Variants in NR1I2 observed in about 807,000 individuals in gnomAD.
NR1I2 encodes the protein nuclear receptor subfamily 1 group I member 2.
NR1I2 carries 42 observed loss-of-function variants against 43.3 expected under a neutral mutation model. That is an observed-to-expected ratio of 0.97 (90% CI 0.76 to 1.26). NR1I2 has a LOEUF of 1.26. Ranked by LOEUF, NR1I2 falls within the 50% of genes most tolerant of loss-of-function variation. The pLI is 0.00. For missense variants in NR1I2, 559 were observed against 566.7 expected, an observed-to-expected ratio of 0.99 and a Z score of 0.14; for synonymous variants, 229 against 215.0, an observed-to-expected ratio of 1.06 and a Z score of -0.57.
At chr3:119,787,027 C>T (rs1301452715) in intron 1 of NR1I2, among the ~76,000 whole-genome samples, 1 of 152,106 alleles carries the variant, frequency 6.6e-6, no homozygotes, top group Non-Finnish European at 1.5e-5. Flanking sequence ...GTGGATCATG[C>T]CTGTAATCCC....
intron 1 of NR1I2, among the ~76,000 whole-genome samples, chr3:119,787,741 T>TTA (rs1188817133): frequency 1.4e-5 from 2 of 147,612 alleles, no homozygotes; most frequent in African/African-American, 5.0e-5. Flanking sequence ...AGTAGGATGA[T>TTA]TATATATATA....
At chr3:119,801,569 C>T (rs1008979939) in intron 1 of NR1I2, among the ~76,000 whole-genome samples, 10 of 152,222 alleles carry the variant, frequency 6.6e-5, no homozygotes, top group Non-Finnish European at 8.8e-5. Context: ...TGGGCTGGCT[C>T]CCCCATCACC....
chr3:119,816,020 T>C (rs1038172341), intron 8 of NR1I2, among the ~76,000 whole-genome samples, 189 bp downstream of exon 8: 4 of 152,222 alleles, frequency 2.6e-5, no homozygotes, highest in African/African-American at 9.6e-5. Flanking sequence ...CAGGGGGACG[T>C]GGCCCAGAAA....
intron 1 of NR1I2, among the ~76,000 whole-genome samples, chr3:119,797,186 A>ATGTGTGTGTGTGTGTGTGTG (rs60261128): frequency 9.4e-4 from 136 of 145,176 alleles, no homozygotes; most frequent in Admixed American, 1.6e-3. Flanking sequence ...GCACAAAGAT[A>ATGTGTGTGTGTGTGTGTGTG]TGTGTGTGTG....
At chr3:119,794,012 T>A (rs890512159) in intron 1 of NR1I2, among the ~76,000 whole-genome samples, 1 of 152,196 alleles carries the variant, frequency 6.6e-6, no homozygotes, top group Non-Finnish European at 1.5e-5. Context: ...ATTGCGTGTT[T>A]TTTAAAATTA....
rs765752068 is a variant in NR1I2 at position 119,814,992 on chromosome 3, G to C, written c.808G>C (p.Glu270Gln). The C allele has an allele frequency of 1.2e-6, 2 of 1,614,032 alleles. No homozygotes were observed. The highest frequency in any genetic ancestry group is 1.3e-5 in the African/African-American group (1 of 74,910). The change falls in exon 6 of 9, where the codon GAG (glutamate) becomes CAG (glutamine). Residue 270 changes from glutamate (E) to glutamine (Q), a missense_variant. Around this residue, in one of 3 missense-constraint regions of NR1I2, gnomAD observed 323 missense variants for 312.2 expected, o/e 1.03. Coordinates refer to ENST00000393716, the MANE Select transcript of NR1I2 (RefSeq NM_003889.4). The stretch of plus-strand genomic sequence containing the variant: ...CCTTGCTGCCAGGGACTTGCCCATC[G>C]AGGACCAGATCTCCCTGCTGAAGGG...
intron 1 of NR1I2, among the ~76,000 whole-genome samples, chr3:119,790,837 T>C (rs1309026770): frequency 6.6e-6 from 1 of 152,250 alleles, no homozygotes; most frequent in Non-Finnish European, 1.5e-5. Context: ...CAAACAGCCC[T>C]ACACCACATA....
chr3:119,797,186 A>AT, intron 1 of NR1I2, among the ~76,000 whole-genome samples: 1 of 145,180 alleles, frequency 6.9e-6, no homozygotes, highest in African/African-American at 2.6e-5. Flanking sequence ...GCACAAAGAT[A>AT]TGTGTGTGTG....
intron 1 of NR1I2, among the ~76,000 whole-genome samples, chr3:119,798,789 T>G (rs2055036609): frequency 6.6e-6 from 1 of 152,240 alleles, no homozygotes; most frequent in South Asian, 2.1e-4. Context: ...AGCGGAACTA[T>G]ACAAAATGCG....
intron 1 of NR1I2, among the ~76,000 whole-genome samples, chr3:119,805,698 G>T (rs540977666): frequency 2.3e-4 from 16 of 69,456 alleles, no homozygotes; most frequent in African/African-American, 4.3e-4. Context: ...GCAAGACTTG[G>T]TCCCCCCCTC....
rs149806224 is a variant in NR1I2, at chr3:119,798,281, G to A, written c.-22-8948G>A. On this transcript the variant is annotated intron_variant, in intron 1 of 8. Coordinates refer to ENST00000393716, the MANE Select transcript of NR1I2 (RefSeq NM_003889.4). ...ACCTAATTTTGAACTCACTATCACTGTCTGTTGCTGATTCAATCTGTTGTT... is the reference window on the plus strand; with the variant it reads ...ACCTAATTTTGAACTCACTATCACTATCTGTTGCTGATTCAATCTGTTGTT... Among the ~76,000 whole-genome samples, 919 of 152,120 alleles carry A rather than the reference G, an allele frequency of 6.0e-3. 8 individuals carry two copies. Among genetic ancestry groups the A allele is most frequent in the African/African-American group, 0.021 (875 of 41,480 alleles).
chr3:119,815,939 C>CA (rs2055322789), intron 8 of NR1I2, 108 bp downstream of exon 8: 2 of 865,354 alleles, frequency 2.3e-6, no homozygotes, highest in Admixed American at 4.0e-5. Flanking sequence ...GAGGTAGCCC[C>CA]AGCCAGACCA....
rs886967749 is a variant in NR1I2 at position 119,782,306 on chromosome 3, GTTTTTCTT to G, written c.-23+8_-23+15del. 2 of 172,700 alleles carry G rather than the reference GTTTTTCTT, an allele frequency of 1.2e-5. No individual in the cohort carries two copies. Among genetic ancestry groups the G allele is most frequent in the African/African-American group, 4.7e-5 (2 of 42,250 alleles). 10.7% of individuals were successfully genotyped at this position (172,700 alleles called of 1,614,324 possible). A position where few individuals can be genotyped will look rare whatever the true frequency, so the allele number is the denominator to read the frequency against. ...AAGAACTTACCACCAAGCAGGTATG[GTTTTTCTT>G]TCTTTCTCTTTTGCTGGGGGCTGAC... On this transcript the variant is annotated splice_region_variant and intron_variant, in intron 1 of 8. Transcript: ENST00000393716.
chr3:119,803,571 G>A lies in NR1I2; in HGVS notation c.-22-3658G>A, dbSNP rs1024186474. ...GTTGTTTATAAGCCACTCAGTTTCC[G>A]ATATTTTGTTATGGCAACCTGAATG... On this transcript the variant is annotated intron_variant, in intron 1 of 8. Coordinates refer to ENST00000393716, the MANE Select transcript of NR1I2 (RefSeq NM_003889.4). Among the ~76,000 whole-genome samples the A allele has an allele frequency of 7.9e-5, 12 of 152,178 alleles. No individual in the cohort carries two copies. The East Asian group carries it at 1.2e-3, about 15-fold the overall frequency.
At chr3:119,811,237 T>C (rs2055236609) in intron 3 of NR1I2, 1 of 303,740 alleles carries the variant, frequency 3.3e-6, no homozygotes, top group Non-Finnish European at 6.1e-6. Context: ...AAAGCTTTCA[T>C]GCAAACCCAG....
intron 5 of NR1I2, among the ~76,000 whole-genome samples, chr3:119,813,707 G>A (rs762142453): frequency 2.6e-5 from 4 of 152,112 alleles, no homozygotes; most frequent in East Asian, 1.9e-4. Flanking sequence ...GGAGTCATGC[G>A]TGACTTATTT....
At chr3:119,813,088 C>T (rs1244538748) in intron 5 of NR1I2, 128 bp downstream of exon 5, 3 of 1,082,120 alleles carry the variant, frequency 2.8e-6, no homozygotes, top group Non-Finnish European at 2.7e-6. Flanking sequence ...TTCCTGTGCC[C>T]TTTCCCCGGG....
At chr3:119,792,533 C>T (rs2054935607) in intron 1 of NR1I2, 1 of 990,794 alleles carries the variant, frequency 1.0e-6, no homozygotes, top group Admixed American at 2.0e-5. Flanking sequence ...GCAGTCCGTG[C>T]TCCTCCAGCT....
intron 1 of NR1I2, among the ~76,000 whole-genome samples, chr3:119,797,682 A>T (rs1457903221): frequency 6.6e-6 from 1 of 152,168 alleles, no homozygotes; most frequent in Non-Finnish European, 1.5e-5. Flanking sequence ...ATATTGTTTT[A>T]TATGCACCCA....
Sources: gnomAD v4.1 joint callset for allele counts (sites outside exome capture counted in the v4.1 genomes callset) on GRCh38, gnomAD v4.1.1 for gene constraint, gnomAD v4.1.1 regional missense constraint, MANE v1.5 for transcripts, NCBI Gene and HGNC (gene_info 2026-07-23, HGNC 2026-07-21) for gene names.